The following PARD3 variants were observed in gnomAD, a reference collection of about 807,000 sequenced individuals.
PARD3 encodes par-3 family cell polarity regulator.
In PARD3, 75 loss-of-function variants were observed where a neutral mutation model predicts 155.4. The ratio of observed to expected loss-of-function variants is 0.48; its 90% CI spans 0.40 to 0.58. The LOEUF is 0.58. PARD3 is among the 20% of genes least tolerant of loss of function. The pLI is 0.00. For synonymous variants in PARD3, 576 were observed against 610.5 expected (o/e 0.94, Z 0.83); for missense variants, 1,642 against 1,721.7 (o/e 0.95, Z 0.82).
At chr10:34,369,646 A>G (rs936783776) in intron 12 of PARD3, among the ~76,000 whole-genome samples, 5 of 152,328 alleles carry the variant, frequency 3.3e-5, no homozygotes, top group East Asian at 3.9e-4. Flanking sequence ...CAGAAGTAAT[A>G]TATCTCCTGC....
At chr10:34,343,332 A>G in intron 15 of PARD3, 3 of 970,110 alleles carry the variant, frequency 3.1e-6, no homozygotes, top group Non-Finnish European at 3.7e-6. Flanking sequence ...GTTTTACACA[A>G]TATATTCTGA....
At chr10:34,180,971 C>T (rs1018127765) in intron 22 of PARD3, among the ~76,000 whole-genome samples, 1 of 152,108 alleles carries the variant, frequency 6.6e-6, no homozygotes, top group Non-Finnish European at 1.5e-5. Flanking sequence ...TATTTTTGGT[C>T]ACCAGGGGAG....
At chr10:34,353,115 C>A (rs1447547874) in intron 14 of PARD3, among the ~76,000 whole-genome samples, 2 of 152,270 alleles carry the variant, frequency 1.3e-5, no homozygotes, top group East Asian at 1.9e-4. Context: ...CCAGCAGCCG[C>A]CCCGTCTGGG....
intron 23 of PARD3, among the ~76,000 whole-genome samples, chr10:34,121,377 C>G (rs1440840836): frequency 6.6e-6 from 1 of 152,232 alleles, no homozygotes; most frequent in Non-Finnish European, 1.5e-5. Context: ...TACTCGCCAC[C>G]CTCAGTTCCC....
chr10:34,385,264 G>C (rs1842239569), intron 7 of PARD3, among the ~76,000 whole-genome samples: 2 of 152,098 alleles, frequency 1.3e-5, no homozygotes, highest in African/African-American at 4.8e-5. Flanking sequence ...CTCCTGAGTA[G>C]CTGGGATCAC....
At chr10:34,642,641 C>T (rs2092714576) in intron 2 of PARD3, among the ~76,000 whole-genome samples, 1 of 152,148 alleles carries the variant, frequency 6.6e-6, no homozygotes, top group African/African-American at 2.4e-5. Flanking sequence ...AATGTCTTCC[C>T]TTCTCTGTGG....
At chr10:34,677,200 G>A (rs1456280889) in intron 2 of PARD3, among the ~76,000 whole-genome samples, 2 of 152,130 alleles carry the variant, frequency 1.3e-5, no homozygotes, top group African/African-American at 4.8e-5. Context: ...GATTAAACTG[G>A]CCAGGCACAG....
chr10:34,232,902 T>G (rs1164529361), intron 22 of PARD3, among the ~76,000 whole-genome samples: 1 of 151,948 alleles, frequency 6.6e-6, no homozygotes, highest in Non-Finnish European at 1.5e-5. Context: ...GATCTCGCTA[T>G]GTTGCCAAGG....
chr10:34,233,035 T>TTTTTTTTG, intron 22 of PARD3, among the ~76,000 whole-genome samples: 1 of 146,344 alleles, frequency 6.8e-6, no homozygotes, highest in Non-Finnish European at 1.5e-5. Context: ...TTTTTTTTTT[T>TTTTTTTTG]TTTTGCCTAG....
At chr10:34,712,949 C>T (rs983018974) in intron 1 of PARD3, among the ~76,000 whole-genome samples, 1 of 152,194 alleles carries the variant, frequency 6.6e-6, no homozygotes, top group Non-Finnish European at 1.5e-5. Context: ...TGGCTCATGC[C>T]TGTAATCACA....
At chr10:34,484,155 C>G (rs1482116100) in intron 3 of PARD3, among the ~76,000 whole-genome samples, 1 of 152,146 alleles carries the variant, frequency 6.6e-6, no homozygotes, top group African/African-American at 2.4e-5. Flanking sequence ...AAAACCAGAG[C>G]AAGAAGGCAG....
At chr10:34,723,254 G>A (rs1291643085) in intron 1 of PARD3, among the ~76,000 whole-genome samples, 12 of 152,142 alleles carry the variant, frequency 7.9e-5, no homozygotes. Flanking sequence ...TGCGGCAGGA[G>A]AACCTAGGAG....
chr10:34,490,775 T>A (rs10508806), intron 3 of PARD3, among the ~76,000 whole-genome samples: 8,581 of 152,280 alleles, frequency 0.056, 815 homozygotes, highest in African/African-American at 0.2. Flanking sequence ...CATCCAAACG[T>A]CACACTTGTT....
intron 22 of PARD3, among the ~76,000 whole-genome samples, chr10:34,217,168 T>C (rs1383207405): frequency 6.6e-6 from 1 of 151,996 alleles, no homozygotes; most frequent in Admixed American, 6.6e-5. Context: ...GACATCAACA[T>C]CTCGGTGGGA....
intron 2 of PARD3, among the ~76,000 whole-genome samples, chr10:34,614,888 C>T (rs1425743268): frequency 2.0e-5 from 3 of 152,088 alleles, no homozygotes; most frequent in South Asian, 2.1e-4. Flanking sequence ...CTTTAAAAAA[C>T]GCAAAGCAGG....
intron 1 of PARD3, among the ~76,000 whole-genome samples, chr10:34,790,615 C>A (rs376539808): frequency 6.0e-4 from 91 of 152,272 alleles, no homozygotes; most frequent in African/African-American, 2.2e-3. Context: ...AATGAGTATT[C>A]TCTTTAAAAT....
chr10:34,681,721 G>A (rs1405191378), intron 2 of PARD3, among the ~76,000 whole-genome samples: 56 of 67,202 alleles, frequency 8.3e-4, no homozygotes, highest in African/African-American at 1.6e-3. Flanking sequence ...TGTATTTTAC[G>A]TATGTATTTT....
intron 22 of PARD3, among the ~76,000 whole-genome samples, chr10:34,208,166 G>T (rs568275375): frequency 2.5e-4 from 38 of 152,152 alleles, no homozygotes; most frequent in Non-Finnish European, 4.1e-4. Context: ...TTTCTTACAT[G>T]TCTTCTAAAA....
chr10:34,654,853 A>G (rs1258967514), intron 2 of PARD3, among the ~76,000 whole-genome samples: 1 of 152,114 alleles, frequency 6.6e-6, no homozygotes, highest in South Asian at 2.1e-4. Context: ...CTTTTCTGAC[A>G]TTGCCATCGC....
Sources: allele counts gnomAD v4.1 joint callset (sites outside exome capture counted in the v4.1 genomes callset), GRCh38; gene constraint gnomAD v4.1.1; transcripts MANE v1.5; gene names NCBI Gene and HGNC (gene_info 2026-07-23, HGNC 2026-07-21).